ZNF592: variants seen among roughly 807,000 people sequenced by gnomAD.
The protein encoded by ZNF592 is spinocerebellar ataxia, autosomal recessive 5.
ZNF592 carries 11 observed loss-of-function variants against 80.3 expected under a neutral mutation model. The ratio of observed to expected loss-of-function variants is 0.14; its 90% CI spans 0.09 to 0.23. ZNF592 has a LOEUF of 0.23. Among genes scored for constraint, ZNF592 ranks in the 10% least tolerant of loss-of-function variants. The probability of loss-of-function intolerance (pLI) is 1.00; values close to 1 mark genes in which losing one functional copy is unlikely to be tolerated. For synonymous variants in ZNF592, 646 were observed against 640.3 expected (o/e 1.01, Z -0.13); for missense variants, 1,420 against 1,633.9 (o/e 0.87, Z 2.26).
intron 2 of ZNF592, among the ~76,000 whole-genome samples, chr15:84,769,076 G>A (rs571443950): frequency 6.6e-6 from 1 of 152,170 alleles, no homozygotes; most frequent in South Asian, 2.1e-4. Context: ...GAGTAGCTGG[G>A]ATTACAGGTG....
chr15:84,767,161 A>T (rs960574315), intron 2 of ZNF592, among the ~76,000 whole-genome samples: 1 of 151,800 alleles, frequency 6.6e-6, no homozygotes, highest in Non-Finnish European at 1.5e-5. Context: ...CACCCGGTTA[A>T]TTTTTTTGTA....
chr15:84,801,775 T>TA, intron 10 of ZNF592, 88 bp from the exon 11 acceptor site: 1 of 1,601,872 alleles, frequency 6.2e-7, no homozygotes, highest in South Asian at 1.1e-5. Flanking sequence ...GGGTGGTGCT[T>TA]TCTTTGAGTC....
intron 1 of ZNF592, among the ~76,000 whole-genome samples, chr15:84,759,788 C>G (rs548752225): frequency 1.3e-5 from 2 of 152,310 alleles, no homozygotes; most frequent in South Asian, 4.1e-4. Context: ...TCATTCATAT[C>G]AGTTCCTGCA....
chr15:84,781,256 C>T (rs1962414664), intron 3 of ZNF592, among the ~76,000 whole-genome samples: 1 of 152,026 alleles, frequency 6.6e-6, no homozygotes, highest in Non-Finnish European at 1.5e-5. Flanking sequence ...TCATGTTGGC[C>T]AGGCTGGTCT....
chr15:84,763,482 G>A (rs1425471579), intron 1 of ZNF592, among the ~76,000 whole-genome samples: 2 of 152,146 alleles, frequency 1.3e-5, no homozygotes, highest in Non-Finnish European at 2.9e-5. Flanking sequence ...TTGGACAGCA[G>A]ACCTAAGACA....
In ZNF592 at chr15:84,779,974, T is replaced by C. The variant is rs576813706; in HGVS notation, c.-20+1662T>C. ...TCTGCCCTTTCCCCTCAATCTTTTT[T>C]TCCTAGACAGTTTTGTTTTTTTTTT... On this transcript the variant is annotated intron_variant, in intron 3 of 10. Transcript: ENST00000560079. Among the ~76,000 whole-genome samples the C allele has an allele frequency of 2.4e-4, 36 of 151,494 alleles. 1 individual carries two copies. The highest frequency in any genetic ancestry group is 1.7e-3 in the Admixed American group (25 of 15,126).
chr15:84,761,845 T>C (rs1280081380), intron 1 of ZNF592, among the ~76,000 whole-genome samples: 1 of 152,232 alleles, frequency 6.6e-6, no homozygotes, highest in Non-Finnish European at 1.5e-5. Flanking sequence ...CATTTTCTGT[T>C]TCCGTATGTT....
At chr15:84,768,684 C>A (rs1201053612) in intron 2 of ZNF592, among the ~76,000 whole-genome samples, 2 of 152,066 alleles carry the variant, frequency 1.3e-5, no homozygotes, top group African/African-American at 4.8e-5. Flanking sequence ...CCAATAGGCA[C>A]CCCCCACTGA....
intron 3 of ZNF592, among the ~76,000 whole-genome samples, chr15:84,778,855 G>A (rs1416358425): frequency 1.3e-5 from 2 of 152,182 alleles, no homozygotes; most frequent in Non-Finnish European, 2.9e-5. Flanking sequence ...TCAGTTTATA[G>A]CATCATTTGG....
intron 2 of ZNF592, among the ~76,000 whole-genome samples, chr15:84,775,463 C>T (rs777719294): frequency 3.4e-4 from 52 of 151,864 alleles, no homozygotes; most frequent in Middle Eastern, 3.4e-3. Context: ...GACAGAGTCT[C>T]GCTCTGTTGC....
At chr15:84,769,027 A>G (rs1899621415) in intron 2 of ZNF592, among the ~76,000 whole-genome samples, 1 of 152,006 alleles carries the variant, frequency 6.6e-6, no homozygotes, top group African/African-American at 2.4e-5. Context: ...TGCAACCTCC[A>G]CTTCCTGAGT....
Position 84,799,135 on chromosome 15 carries a change from C to G in ZNF592, c.3062C>G (p.Ser1021Cys). Residue 1021 changes from serine (S) to cysteine (C), a missense_variant, in exon 9 of 11, where the codon TCC (serine) becomes TGC (cysteine). Ser to Cys is a moderately radical substitution (Grantham distance 112). This residue lies in a region of ZNF592 where 331 missense variants were observed against 347.0 expected (regional missense o/e 0.95). Coordinates refer to ENST00000560079, the MANE Select transcript of ZNF592 (RefSeq NM_014630.3). The surrounding 1 kb of genome is among the most constrained non-coding windows in gnomAD (Gnocchi z 4.2). ...KRYPCRQCEQ[S>C]FHTPNSLRKH... is the part of the protein sequence containing the mutation. ...TACCCATGCCGGCAGTGTGAACAGT[C>G]CTTCCACACCCCCAACAGCCTGCGC... 6.2e-7 allele frequency: 1 copy of G among 1,614,184 alleles called. No homozygotes were observed. The highest frequency in any genetic ancestry group is 8.5e-7 in the Non-Finnish European group (1 of 1,180,022).
rs780194289 is a variant in ZNF592, at chr15:84,755,785, A to T, written c.-259+7121A>T. Among the ~76,000 whole-genome samples the T allele has an allele frequency of 3.3e-5, 5 of 152,282 alleles. No homozygotes were observed. In the South Asian group the frequency reaches 1.0e-3, roughly 32 times the overall value. On this transcript the variant is annotated intron_variant, in intron 1 of 10. Coordinates refer to ENST00000560079, the MANE Select transcript of ZNF592 (RefSeq NM_014630.3). Reference sequence around the variant, plus strand: ...TGCCTAGAACTATGTCCCTATAGAGATGTATGATGTTGGAGTTGGCCTCCT... The same window carrying T: ...TGCCTAGAACTATGTCCCTATAGAGTTGTATGATGTTGGAGTTGGCCTCCT...
chr15:84,802,544 G>A lies in ZNF592; in HGVS notation c.*151G>A, dbSNP rs951753236. ...GTCTGCCCTGAGCTGCCAGTGCTGG[G>A]TATCCCCCAGCCCCAGGAAATGTGG... On this transcript the variant is annotated 3_prime_UTR_variant, in exon 11 of 11. Transcript: ENST00000560079. 3.3e-6 allele frequency: 3 copies of A among 905,756 alleles called. No homozygotes were observed. Among genetic ancestry groups the A allele is most frequent in the Non-Finnish European group, 5.1e-6 (3 of 585,050 alleles). The allele number at this position is 905,756 out of a possible 1,614,324, so 56.1% of individuals were successfully genotyped here.
At chr15:84,791,838 G>A (rs1596129763) in intron 5 of ZNF592, among the ~76,000 whole-genome samples, 3 of 152,240 alleles carry the variant, frequency 2.0e-5, no homozygotes. Context: ...CAAAAGAGGT[G>A]TCAGGAATGA....
rs1299325959 is a variant in ZNF592, at chr15:84,803,139, C to G, written c.*746C>G. 6.6e-6 allele frequency: 1 copy of G among 152,476 alleles called. No individual in the cohort carries two copies. Among genetic ancestry groups the G allele is most frequent in the African/African-American group, 2.4e-5 (1 of 41,388 alleles). 9.4% of individuals were successfully genotyped at this position (152,476 alleles called of 1,614,324 possible). On this transcript the variant is annotated 3_prime_UTR_variant, in exon 11 of 11. Transcript: ENST00000560079. ...GTGGGTCTTTGTTCTGCTGTTCTGC[C>G]TTTCCTGACAGGTGGGGTTGGGGCA...
intron 2 of ZNF592, among the ~76,000 whole-genome samples, chr15:84,777,059 A>G (rs571509128): frequency 1.3e-5 from 2 of 152,134 alleles, no homozygotes; most frequent in Admixed American, 6.5e-5. Flanking sequence ...AAGAAAGAAA[A>G]GAATGTTATA....
chr15:84,754,282 G>A (rs1302636976), intron 1 of ZNF592, among the ~76,000 whole-genome samples: 1 of 152,168 alleles, frequency 6.6e-6, no homozygotes, highest in Non-Finnish European at 1.5e-5. Flanking sequence ...TGGGCAGCTG[G>A]GCACGGTGGC....
rs773507113 is a variant in ZNF592 at position 84,798,549 on chromosome 15, T to C, written c.2737-39T>C. ...CTGGGGGTCTGACTCTGTGCATCTT[T>C]CCCCTTGCCCAGTCAGTAATCGCTC... On this transcript the variant is annotated intron_variant, in intron 7 of 10. Coordinates refer to ENST00000560079, the MANE Select transcript of ZNF592 (RefSeq NM_014630.3). This position sits in a 1 kb window ranked among gnomAD's most constrained non-coding sequence, Gnocchi z 4.5. 2.5e-6 allele frequency: 4 copies of C among 1,613,920 alleles called. No homozygotes were observed. Among genetic ancestry groups the C allele is most frequent in the Non-Finnish European group, 3.4e-6 (4 of 1,179,958 alleles).
Sources: allele counts gnomAD v4.1 joint callset (sites outside exome capture counted in the v4.1 genomes callset), GRCh38; gene constraint gnomAD v4.1.1; regional missense constraint gnomAD v4.1.1; non-coding constraint Gnocchi (gnomAD v3.1); transcripts MANE v1.5; gene names NCBI Gene and HGNC (gene_info 2026-07-23, HGNC 2026-07-21).